ROBO2: variants seen among roughly 807,000 people sequenced by gnomAD.
ROBO2 encodes roundabout guidance receptor 2.
ROBO2 carries 53 observed loss-of-function variants against 160.8 expected under a neutral mutation model. The ratio of observed to expected loss-of-function variants is 0.33; its 90% CI spans 0.26 to 0.41. The LOEUF (loss-of-function observed/expected upper bound fraction) is 0.41, where lower values mean the gene tolerates loss of function less well. Ranked by LOEUF, ROBO2 falls within the 10% of genes least tolerant of loss-of-function variation. The pLI is 1.00. For missense variants in ROBO2, 1,577 were observed against 1,722.4 expected (o/e 0.92, Z 1.49); for synonymous variants, 664 against 611.7 (o/e 1.09, Z -1.26).
chr3:76,774,271 GCAA>G (rs2062094146), intron 2 of ROBO2, among the ~76,000 whole-genome samples: 1 of 150,822 alleles, frequency 6.6e-6, no homozygotes, highest in Non-Finnish European at 1.5e-5. Flanking sequence ...ACTCTAATTT[GCAA>G]GATATGATTC....
intron 2 of ROBO2, among the ~76,000 whole-genome samples, chr3:76,562,914 T>C (rs1300227642): frequency 6.6e-6 from 1 of 152,072 alleles, no homozygotes; most frequent in African/African-American, 2.4e-5. Context: ...CTTCCTTCCT[T>C]CCTCCCTCCC....
At chr3:76,447,793 C>CA (rs1239820868) in intron 2 of ROBO2, among the ~76,000 whole-genome samples, 7 of 147,590 alleles carry the variant, frequency 4.7e-5, no homozygotes, top group Non-Finnish European at 8.9e-5. Context: ...ATCACAAGGA[C>CA]AAAAAACCAA....
chr3:76,540,814 T>A (rs2082775372), intron 2 of ROBO2, among the ~76,000 whole-genome samples: 1 of 152,216 alleles, frequency 6.6e-6, no homozygotes, highest in Non-Finnish European at 1.5e-5. Context: ...TTATTTATTT[T>A]TTTGACAAAG....
intron 2 of ROBO2, among the ~76,000 whole-genome samples, chr3:76,552,406 A>G (rs929301737): frequency 6.6e-6 from 1 of 152,184 alleles, no homozygotes; most frequent in Non-Finnish European, 1.5e-5. Context: ...ACTAGCATAC[A>G]ATACACATGG....
intron 2 of ROBO2, among the ~76,000 whole-genome samples, chr3:77,463,685 A>G (rs554097887): frequency 6.6e-6 from 1 of 152,148 alleles, no homozygotes; most frequent in African/African-American, 2.4e-5. Flanking sequence ...GGCTCAAGCA[A>G]TCCTCCCACC....
At chr3:77,429,871 C>T (rs773272993) in intron 2 of ROBO2, among the ~76,000 whole-genome samples, 4 of 152,084 alleles carry the variant, frequency 2.6e-5, no homozygotes, top group East Asian at 1.9e-4. Context: ...CTCTTAGCTG[C>T]GGTGCTCACT....
intron 2 of ROBO2, among the ~76,000 whole-genome samples, chr3:77,163,621 A>G (rs948491501): frequency 6.6e-6 from 1 of 152,210 alleles, no homozygotes; most frequent in African/African-American, 2.4e-5. Context: ...ATTTATAATA[A>G]TTTGAAATTA....
chr3:76,970,146 C>G (rs1162666198), intron 2 of ROBO2, among the ~76,000 whole-genome samples: 2 of 152,118 alleles, frequency 1.3e-5, no homozygotes, highest in Non-Finnish European at 2.9e-5. Flanking sequence ...ACAATTTCTG[C>G]TGTGACTGGC....
chr3:76,917,007 A>G (rs951921599), intron 2 of ROBO2, among the ~76,000 whole-genome samples: 4 of 152,180 alleles, frequency 2.6e-5, no homozygotes, highest in African/African-American at 9.7e-5. Flanking sequence ...TTGACCAAAA[A>G]AGCAGACAGA....
At chr3:76,873,183 T>A (rs1368802597) in intron 2 of ROBO2, among the ~76,000 whole-genome samples, 2 of 152,114 alleles carry the variant, frequency 1.3e-5, no homozygotes, top group Non-Finnish European at 2.9e-5. Flanking sequence ...TTACAATGGA[T>A]CTGTCAATAT....
intron 22 of ROBO2, among the ~76,000 whole-genome samples, chr3:77,619,084 C>T (rs1186118921): frequency 6.6e-6 from 1 of 152,126 alleles, no homozygotes; most frequent in African/African-American, 2.4e-5. Context: ...ATTCTGACTG[C>T]CATGATCTGG....
chr3:77,562,508 C>A, intron 9 of ROBO2, 143 bp from the exon 11 acceptor site: 1 of 618,208 alleles, frequency 1.6e-6, no homozygotes, highest in South Asian at 1.8e-5. Flanking sequence ...TTTATGTATA[C>A]ATATGATTGA....
chr3:77,580,179 A>AT (rs1217945033), intron 16 of ROBO2, 61 bp downstream of exon 17: 9 of 1,500,882 alleles, frequency 6.0e-6, no homozygotes, highest in Non-Finnish European at 8.4e-6. Flanking sequence ...GTGGATGATG[A>AT]TTTTGCATCA....
At chr3:76,747,179 T>C (rs1336155504) in intron 2 of ROBO2, among the ~76,000 whole-genome samples, 2 of 152,154 alleles carry the variant, frequency 1.3e-5, no homozygotes, top group Non-Finnish European at 2.9e-5. Context: ...CGTCTTAAAA[T>C]GTCTGCTTGT....
intron 2 of ROBO2, among the ~76,000 whole-genome samples, chr3:77,347,773 G>A (rs986411469): frequency 6.6e-6 from 1 of 152,082 alleles, no homozygotes; most frequent in African/African-American, 2.4e-5. Context: ...AATCAGCCTT[G>A]CATTGTTTTT....
At chr3:76,050,619 G>A (rs927136620) in intron 2 of ROBO2, among the ~76,000 whole-genome samples, 13 of 152,098 alleles carry the variant, frequency 8.5e-5, no homozygotes, top group African/African-American at 3.1e-4. Context: ...GCTGGTTCTC[G>A]TGGCCACTGC....
chr3:76,497,930 C>T (rs981226865), intron 2 of ROBO2, among the ~76,000 whole-genome samples: 2 of 152,218 alleles, frequency 1.3e-5, no homozygotes, highest in Admixed American at 1.3e-4. Flanking sequence ...CACTTTCCAG[C>T]CTCTGCAATC....
At chr3:77,119,510 A>G (rs565962233) in intron 2 of ROBO2, among the ~76,000 whole-genome samples, 1 of 152,330 alleles carries the variant, frequency 6.6e-6, no homozygotes, top group South Asian at 2.1e-4. Flanking sequence ...ATCAAAATTA[A>G]TCAACTTAGA....
chr3:77,134,187 G>A (rs1579276029), intron 2 of ROBO2, among the ~76,000 whole-genome samples: 1 of 150,452 alleles, frequency 6.6e-6, no homozygotes, highest in Non-Finnish European at 1.5e-5. Flanking sequence ...AAAAAAAAAA[G>A]GAAAAGAAAC....
Sources: allele counts gnomAD v4.1 joint callset (sites outside exome capture counted in the v4.1 genomes callset), GRCh38; gene constraint gnomAD v4.1.1; transcripts MANE v1.5; gene names NCBI Gene and HGNC (gene_info 2026-07-23, HGNC 2026-07-21).